Variants in RAB3GAP1 observed in about 807,000 individuals in gnomAD.
The protein encoded by RAB3GAP1 is rab3 GTPase-activating protein catalytic subunit.
Under a neutral mutation model 130.7 loss-of-function variants are expected in RAB3GAP1, and 86 were observed. The ratio of observed to expected loss-of-function variants is 0.66; its 90% CI spans 0.55 to 0.79. RAB3GAP1 has a LOEUF of 0.79. RAB3GAP1 is among the 30% of genes least tolerant of loss of function. RAB3GAP1 has a pLI of 0.00. For missense variants in RAB3GAP1, 1,029 were observed against 1,169.4 expected, an observed-to-expected ratio of 0.88 and a Z score of 1.75; for synonymous variants, 367 against 401.7, an observed-to-expected ratio of 0.91 and a Z score of 1.03.
downstream of RAB3GAP1, among the ~76,000 whole-genome samples, chr2:135,172,829 T>G (rs1692894935): frequency 6.6e-6 from 1 of 152,130 alleles, no homozygotes; most frequent in Non-Finnish European, 1.5e-5. Context: ...ACACACCCTG[T>G]GAAGTCCCCC....
chr2:135,117,458 TTCTG>T (rs1558784102), intron 7 of RAB3GAP1, among the ~76,000 whole-genome samples: 1,804 of 148,702 alleles, frequency 0.012, 61 homozygotes, highest in African/African-American at 0.044. Flanking sequence ...CTTCTTCTGC[TTCTG>T]CTTCTGCTTC....
intron 17 of RAB3GAP1, among the ~76,000 whole-genome samples, chr2:135,143,828 C>T (rs1247100324): frequency 1.3e-5 from 2 of 151,310 alleles, no homozygotes; most frequent in South Asian, 2.1e-4. Flanking sequence ...GGATTACAGG[C>T]GTGAGCCACT....
At position 135,124,180 on chromosome 2, in the gene RAB3GAP1, T is replaced by G. The variant is rs771889804; in HGVS notation, c.764T>G (p.Val255Gly). 21 of 1,613,910 alleles carry G rather than the reference T, an allele frequency of 1.3e-5. No individual in the cohort carries two copies. Among genetic ancestry groups the G allele is most frequent in the Admixed American group, 3.3e-5 (2 of 60,006 alleles). ...PQQPPDIDALVGGEVGGLEFG... is the reference protein window; with the variant it reads ...PQQPPDIDALGGGEVGGLEFG... ...TTTTGTTTAGACATAGATGCCCTTG[T>G]AGGAGGAGAAGTTGGAGGCTTGGAG... The change falls in exon 9 of 24, where the codon GTA (valine) becomes GGA (glycine). Residue 255 changes from valine to glycine, a missense_variant. By Grantham distance (109) the Val-to-Gly change is moderately radical. Coordinates refer to ENST00000264158, the MANE Select transcript of RAB3GAP1 (RefSeq NM_012233.3).
intron 2 of RAB3GAP1, among the ~76,000 whole-genome samples, chr2:135,056,290 C>CT (rs1427989296): frequency 3.3e-5 from 5 of 152,110 alleles, no homozygotes; most frequent in African/African-American, 9.7e-5. Context: ...GCAACCTCTG[C>CT]CACCTGGGTT....
intron 11 of RAB3GAP1, among the ~76,000 whole-genome samples, chr2:135,127,076 C>T (rs1042662104): frequency 4.0e-5 from 6 of 151,630 alleles, no homozygotes; most frequent in African/African-American, 1.5e-4. Flanking sequence ...GGGGTTTCAC[C>T]GTGTTATCCA....
intron 2 of RAB3GAP1, among the ~76,000 whole-genome samples, chr2:135,057,492 C>T (rs1689047291): frequency 6.6e-6 from 1 of 152,146 alleles, no homozygotes; most frequent in Admixed American, 6.5e-5. Flanking sequence ...ACGTCCGCTT[C>T]TATGTGATTT....
chr2:135,120,839 G>T lies in RAB3GAP1; in HGVS notation c.669G>T (p.Leu223Phe), dbSNP rs76927619. Residue 223 changes from leucine (L) to phenylalanine (F), a missense_variant, in exon 8 of 24, where the codon TTG (leucine) becomes TTT (phenylalanine). Transcript: ENST00000264158. ...CCTAGGGATGTCCTTTAACTCCATT[G>T]CCTCCAGTTAGTATTGCTATTCGAT... ...KSKIGCPLTP[L>F]PPVSIAIRFT... The T allele has an allele frequency of 1.3e-3, 2,100 of 1,611,940 alleles. 24 individuals are homozygous for T. In the African/African-American group the frequency reaches 0.025, roughly 19 times the overall value.
intron 17 of RAB3GAP1, among the ~76,000 whole-genome samples, chr2:135,139,044 T>A (rs780336787): frequency 2.6e-5 from 4 of 152,214 alleles, no homozygotes; most frequent in Non-Finnish European, 5.9e-5. Flanking sequence ...TCTTTTAATA[T>A]GTTCGTTAGC....
At chr2:135,168,302 C>T (rs1692722634) in intron 23 of RAB3GAP1, among the ~76,000 whole-genome samples, 1 of 152,218 alleles carries the variant, frequency 6.6e-6, no homozygotes, top group South Asian at 2.1e-4. Flanking sequence ...CTCTTCAGAG[C>T]AGATTGCCTG....
At chr2:135,106,241 C>T (rs1169668190) in intron 5 of RAB3GAP1, among the ~76,000 whole-genome samples, 1 of 152,208 alleles carries the variant, frequency 6.6e-6, no homozygotes, top group Non-Finnish European at 1.5e-5. Context: ...CTGGCCGCCA[C>T]CCCGTCTGGG....
In RAB3GAP1 at chr2:135,112,836, A is replaced by T. The variant is rs59593924; in HGVS notation, c.363-315A>T. ...CAAAGTCTCTCTCTCTCTCTCTCTC[A>T]CACACACACACACACACACACACAC... On this transcript the variant is annotated intron_variant, in intron 5 of 23. Coordinates refer to ENST00000264158, the MANE Select transcript of RAB3GAP1 (RefSeq NM_012233.3). Among the ~76,000 whole-genome samples, 6,538 of 106,190 alleles carry T rather than the reference A, an allele frequency of 0.062. 440 individuals are homozygous for T. The highest frequency in any genetic ancestry group is 0.3 in the African/African-American group (6,076 of 20,330). 69.7% of individuals were successfully genotyped at this position (106,190 alleles called of 152,430 possible). A position where few individuals can be genotyped will look rare whatever the true frequency, so the allele number is the denominator to read the frequency against.
chr2:135,157,938 A>G (rs549660703), intron 19 of RAB3GAP1, among the ~76,000 whole-genome samples: 2 of 151,892 alleles, frequency 1.3e-5, no homozygotes, highest in East Asian at 3.9e-4. Flanking sequence ...TAGATGTATT[A>G]TTGGTTGGGT....
chr2:135,153,139 G>A (rs1692220545), intron 18 of RAB3GAP1: 1 of 160,892 alleles, frequency 6.2e-6, no homozygotes, highest in Admixed American at 6.0e-5. Context: ...AACCAGTATT[G>A]ATTTATTGAG....
intron 23 of RAB3GAP1, chr2:135,165,292 C>A: frequency 2.6e-6 from 1 of 382,800 alleles, no homozygotes; most frequent in South Asian, 2.0e-5. Context: ...TATATTGTAT[C>A]TTGGTTACTG....
chr2:135,132,152 G>A (rs1448132027), intron 13 of RAB3GAP1, among the ~76,000 whole-genome samples: 1 of 152,188 alleles, frequency 6.6e-6, no homozygotes, highest in Non-Finnish European at 1.5e-5. Context: ...GTGTGGCAAA[G>A]TATACATAGT....
At chr2:135,106,681 C>G (rs1690631422) in intron 5 of RAB3GAP1, among the ~76,000 whole-genome samples, 1 of 151,180 alleles carries the variant, frequency 6.6e-6, no homozygotes, top group Admixed American at 6.6e-5. Flanking sequence ...ATCTGCTGAC[C>G]TTCCCTCCAC....
chr2:135,105,721 CCTGGCTGCCCAGT>C (rs1350955513), intron 5 of RAB3GAP1, among the ~76,000 whole-genome samples: 1 of 151,760 alleles, frequency 6.6e-6, no homozygotes, highest in Non-Finnish European at 1.5e-5. Flanking sequence ...AGCCCCTCTG[CCTGGCTGCCCAGT>C]CTGGGAAGTG....
At chr2:135,061,778 A>G (rs932546337) in intron 3 of RAB3GAP1, among the ~76,000 whole-genome samples, 3 of 152,120 alleles carry the variant, frequency 2.0e-5, no homozygotes, top group Non-Finnish European at 4.4e-5. Flanking sequence ...TTACCAATTT[A>G]TCATTTAACC....
intron 3 of RAB3GAP1, among the ~76,000 whole-genome samples, chr2:135,088,193 G>T (rs926733075): frequency 1.3e-5 from 2 of 152,176 alleles, no homozygotes; most frequent in African/African-American, 4.8e-5. Context: ...TTGAAAAAGG[G>T]ATTTCTCTCT....
Sources: allele counts gnomAD v4.1 joint callset (sites outside exome capture counted in the v4.1 genomes callset), GRCh38; gene constraint gnomAD v4.1.1; transcripts MANE v1.5; gene names NCBI Gene and HGNC (gene_info 2026-07-23, HGNC 2026-07-21).